The following SIPA1L2 variants were observed in gnomAD, a reference collection of about 807,000 sequenced individuals.
SIPA1L2 encodes the protein signal induced proliferation associated 1 like 2, also known as signal-induced proliferation-associated 1-like protein 2.
In SIPA1L2, 56 loss-of-function variants were observed where a neutral mutation model predicts 163.9. The ratio of observed to expected loss-of-function variants is 0.34; its 90% CI spans 0.28 to 0.43. SIPA1L2 has a LOEUF of 0.43. SIPA1L2 is among the 20% of genes least tolerant of loss of function. The pLI is 1.00. For synonymous variants in SIPA1L2, 877 were observed against 865.7 expected, an observed-to-expected ratio of 1.01 and a Z score of -0.23; for missense variants, 1,974 against 2,193.5, an observed-to-expected ratio of 0.90 and a Z score of 2.00.
At chr1:232,538,362 G>A (rs899147576) in intron 2 of SIPA1L2, among the ~76,000 whole-genome samples, 2 of 152,132 alleles carry the variant, frequency 1.3e-5, no homozygotes, top group Non-Finnish European at 2.9e-5. Context: ...CCAACACAGA[G>A]AACAGTAACT....
At chr1:232,476,365 T>C (rs570903444) in intron 7 of SIPA1L2, among the ~76,000 whole-genome samples, 77 of 152,292 alleles carry the variant, frequency 5.1e-4, no homozygotes, top group Admixed American at 4.8e-3. Context: ...ACACAGCAGC[T>C]AAAATGTTAC....
intron 11 of SIPA1L2, among the ~76,000 whole-genome samples, chr1:232,444,882 T>C (rs1255479098): frequency 6.6e-6 from 1 of 152,214 alleles, no homozygotes; most frequent in Non-Finnish European, 1.5e-5. Flanking sequence ...CGTGCCTACA[T>C]GTTACATAAA....
At chr1:232,407,893 G>A (rs1421809356) in intron 19 of SIPA1L2, among the ~76,000 whole-genome samples, 1 of 152,168 alleles carries the variant, frequency 6.6e-6, no homozygotes. Flanking sequence ...AGCTTTTGAA[G>A]AGACTCCACT....
chr1:232,511,885 TTAAAC>T, intron 3 of SIPA1L2, among the ~76,000 whole-genome samples: 1 of 152,202 alleles, frequency 6.6e-6, no homozygotes, highest in African/African-American at 2.4e-5. Context: ...TGGGATCTAA[TTAAAC>T]TAAAGAGCTT....
intron 2 of SIPA1L2, among the ~76,000 whole-genome samples, chr1:232,518,130 A>G (rs2103053480): frequency 6.6e-6 from 1 of 152,362 alleles, no homozygotes; most frequent in East Asian, 1.9e-4. Flanking sequence ...GTTCACTACA[A>G]AGGATGAAAA....
intron 2 of SIPA1L2, among the ~76,000 whole-genome samples, chr1:232,549,949 T>C (rs1248057706): frequency 2.0e-5 from 3 of 152,206 alleles, no homozygotes; most frequent in Non-Finnish European, 4.4e-5. Context: ...ACATACAGTG[T>C]GATGGTGATA....
intron 4 of SIPA1L2, among the ~76,000 whole-genome samples, chr1:232,492,799 AG>A (rs1251092531): frequency 6.6e-6 from 1 of 152,192 alleles, no homozygotes; most frequent in African/African-American, 2.4e-5. Context: ...TTGATTTTAC[AG>A]GCTCATCAAC....
intron 1 of SIPA1L2, among the ~76,000 whole-genome samples, chr1:232,576,660 A>C (rs1660094640): frequency 6.6e-6 from 1 of 152,238 alleles, no homozygotes; most frequent in Non-Finnish European, 1.5e-5. Flanking sequence ...AAAAGCCAAA[A>C]CAGGCCGAAA....
intron 15 of SIPA1L2, among the ~76,000 whole-genome samples, chr1:232,437,450 T>C (rs1455672487): frequency 6.6e-6 from 1 of 152,192 alleles, no homozygotes; most frequent in African/African-American, 2.4e-5. Flanking sequence ...TAAATAGAAC[T>C]GGTAAAAAAA....
At chr1:232,425,143 C>T (rs906378054) in intron 18 of SIPA1L2, among the ~76,000 whole-genome samples, 3 of 152,136 alleles carry the variant, frequency 2.0e-5, no homozygotes, top group South Asian at 2.1e-4. Context: ...CCGAGGCACA[C>T]GTGCCACCTC....
chr1:232,600,557 T>C (rs1369034242), intron 1 of SIPA1L2, among the ~76,000 whole-genome samples: 1 of 152,230 alleles, frequency 6.6e-6, no homozygotes, highest in Non-Finnish European at 1.5e-5. Context: ...ACAGGCTTTT[T>C]TGTTTGATTT....
At chr1:232,446,710 C>T (rs1396968185) in intron 10 of SIPA1L2, among the ~76,000 whole-genome samples, 1 of 152,216 alleles carries the variant, frequency 6.6e-6, no homozygotes, top group African/African-American at 2.4e-5. Context: ...GTAGTTCCTC[C>T]TTATTACAAA....
chr1:232,539,317 C>A (rs976169495), intron 2 of SIPA1L2, among the ~76,000 whole-genome samples: 1 of 152,184 alleles, frequency 6.6e-6, no homozygotes, highest in African/African-American at 2.4e-5. Flanking sequence ...CTACTACTTA[C>A]AACTGCAAAA....
At chr1:232,569,855 G>T (rs1659618198) in intron 2 of SIPA1L2, among the ~76,000 whole-genome samples, 1 of 152,060 alleles carries the variant, frequency 6.6e-6, no homozygotes, top group Non-Finnish European at 1.5e-5. Context: ...ATCCTCTAAA[G>T]ATCCATTCAA....
At chr1:232,577,299 G>A (rs1660129677) in intron 1 of SIPA1L2, among the ~76,000 whole-genome samples, 1 of 152,088 alleles carries the variant, frequency 6.6e-6, no homozygotes, top group African/African-American at 2.4e-5. Context: ...TTGAAACCAA[G>A]TGCTCAGAAA....
chr1:232,550,251 ATCT>A, intron 2 of SIPA1L2, among the ~76,000 whole-genome samples: 1 of 152,224 alleles, frequency 6.6e-6, no homozygotes, highest in African/African-American at 2.4e-5. Flanking sequence ...AGTAATCAAG[ATCT>A]AGGGCAGGAT....
At position 232,428,417 on chromosome 1, in the gene SIPA1L2, T is replaced by C. The variant is rs1558167904; in HGVS notation, c.4404A>G (p.Arg1468=). 6.5e-7 allele frequency: 1 copy of C among 1,538,376 alleles called. No individual in the cohort carries two copies. The highest frequency in any genetic ancestry group is 2.1e-5 in the Admixed American group (1 of 47,118). ...LPDSPLVEEG[R]RKFSFYGNLS... is the part of the protein sequence containing the mutation. The stretch of plus-strand genomic sequence containing the variant: ...AGCTCCCTAAGTCACTAACCTTTCT[T>C]CGCCCCTCCTCCACTAAGGGGCTGT... Residue 1468 remains arginine, a synonymous_variant, in exon 17 of 23, where the codon CGA becomes CGG. Coordinates refer to ENST00000674635, the MANE Select transcript of SIPA1L2 (RefSeq NM_020808.5).
chr1:232,427,625 T>G (rs1293417556), intron 17 of SIPA1L2, among the ~76,000 whole-genome samples: 1 of 150,010 alleles, frequency 6.7e-6, no homozygotes, highest in African/African-American at 2.5e-5. Flanking sequence ...AAATCGCCTT[T>G]AAGTCCTTTT....
chr1:232,623,595 G>T (rs930723303), intron 1 of SIPA1L2, among the ~76,000 whole-genome samples: 3 of 152,000 alleles, frequency 2.0e-5, no homozygotes, highest in Admixed American at 2.0e-4. Context: ...GTGACAGTGC[G>T]AGACTCTGTC....
Sources: allele counts gnomAD v4.1 joint callset (sites outside exome capture counted in the v4.1 genomes callset), GRCh38; gene constraint gnomAD v4.1.1; transcripts MANE v1.5; gene names NCBI Gene and HGNC (gene_info 2026-07-23, HGNC 2026-07-21).